The following MCC variants were observed in gnomAD, a reference collection of about 807,000 sequenced individuals.
The protein encoded by MCC is MCC regulator of Wnt signaling pathway.
In MCC, 90 loss-of-function variants were observed where a neutral mutation model predicts 116.2. The observed-to-expected ratio is 0.77, with a 90% confidence interval of 0.65 to 0.92. The LOEUF is 0.92. Among genes scored for constraint, MCC ranks in the 40% least tolerant of loss-of-function variants. The pLI is 0.00. For synonymous variants in MCC, 578 were observed against 510.5 expected (o/e 1.13, Z -1.78); for missense variants, 1,516 against 1,312.2 (o/e 1.16, Z -2.40).
intron 2 of MCC, among the ~76,000 whole-genome samples, chr5:113,348,469 G>A (rs1362577895): frequency 1.3e-5 from 2 of 151,956 alleles, no homozygotes; most frequent in African/African-American, 4.8e-5. Context: ...AATAACCAGT[G>A]GGTCAATGAA....
rs140449060 is a variant in MCC, at chr5:113,223,083, G to A, written c.628-71661C>T. Among the ~76,000 whole-genome samples the A allele has an allele frequency of 2.6e-3, 400 of 152,264 alleles. 2 individuals carry two copies. The highest frequency in any genetic ancestry group is 8.8e-3 in the African/African-American group (365 of 41,546). The stretch of plus-strand genomic sequence containing the variant: ...CAGCCAGGACTTCATTGACAGGGAC[G>A]GTGACACACGTATAAAAATGGGACG... On this transcript the variant is annotated intron_variant, in intron 3 of 18. Coordinates refer to ENST00000408903, the MANE Select transcript of MCC (RefSeq NM_001085377.2).
chr5:113,478,208 C>T (rs1772283834), intron 1 of MCC, among the ~76,000 whole-genome samples: 1 of 152,136 alleles, frequency 6.6e-6, no homozygotes, highest in Non-Finnish European at 1.5e-5. Context: ...CACTATGCTG[C>T]AGAGAAATAA....
At chr5:113,074,380 C>A (rs1226375624) in intron 11 of MCC, among the ~76,000 whole-genome samples, 2 of 152,230 alleles carry the variant, frequency 1.3e-5, no homozygotes, top group Admixed American at 6.5e-5. Context: ...CCCATCTGTA[C>A]ATCACCATCA....
intron 1 of MCC, among the ~76,000 whole-genome samples, chr5:113,423,154 G>C (rs919079955): frequency 6.6e-6 from 1 of 152,134 alleles, no homozygotes; most frequent in African/African-American, 2.4e-5. Flanking sequence ...TCCTTTTCAT[G>C]GTCTATTTAG....
intron 17 of MCC, among the ~76,000 whole-genome samples, chr5:113,041,776 C>G (rs1751720428): frequency 6.6e-6 from 1 of 152,198 alleles, no homozygotes; most frequent in South Asian, 2.1e-4. Context: ...GGTTGGATCA[C>G]ATGAGGTCAG....
chr5:113,063,839 G>A, intron 14 of MCC, 145 bp downstream of exon 14: 1 of 774,402 alleles, frequency 1.3e-6, no homozygotes. Flanking sequence ...ACTCCTTTTT[G>A]GATGGAGCAG....
intron 3 of MCC, among the ~76,000 whole-genome samples, chr5:113,230,913 C>T (rs1212131830): frequency 6.6e-6 from 1 of 152,152 alleles, no homozygotes; most frequent in African/African-American, 2.4e-5. Context: ...TTATCATGCT[C>T]CTACGTGCTC....
intron 16 of MCC, among the ~76,000 whole-genome samples, chr5:113,046,647 C>T (rs980218021): frequency 2.9e-5 from 4 of 135,882 alleles, no homozygotes; most frequent in Admixed American, 7.9e-5. Flanking sequence ...CAAACACTAG[C>T]GCTCTGTCTC....
chr5:113,275,118 T>G (rs887255807), intron 3 of MCC, among the ~76,000 whole-genome samples: 1 of 151,962 alleles, frequency 6.6e-6, no homozygotes, highest in Non-Finnish European at 1.5e-5. Flanking sequence ...AGCCAGTCCA[T>G]CGCGCGGGTG....
At chr5:113,400,769 A>G (rs529736046) in intron 1 of MCC, among the ~76,000 whole-genome samples, 111 of 152,358 alleles carry the variant, frequency 7.3e-4, no homozygotes, top group African/African-American at 2.6e-3. Context: ...CACAGCAGGT[A>G]CTTAAACAGC....
At chr5:113,375,768 G>T (rs1768966033) in intron 2 of MCC, among the ~76,000 whole-genome samples, 1 of 152,204 alleles carries the variant, frequency 6.6e-6, no homozygotes, top group African/African-American at 2.4e-5. Context: ...TGAAGAAGCT[G>T]CAAGGGATTT....
In MCC at chr5:113,332,866, T is replaced by C. The variant is rs1193996324; in HGVS notation, c.627+7653A>G. 3.3e-5 allele frequency among the ~76,000 whole-genome samples: 5 copies of C among 151,696 alleles called. No individual in the cohort carries two copies. The South Asian group carries it at 1.0e-3, about 31-fold the overall frequency. On this transcript the variant is annotated intron_variant, in intron 3 of 18. Transcript: ENST00000408903. Reference sequence around the variant, plus strand: ...CTACACCTCCTGAAATATCAGCTGATTCTTAGAGGATCTAATACGACTTTG... The same window carrying C: ...CTACACCTCCTGAAATATCAGCTGACTCTTAGAGGATCTAATACGACTTTG...
chr5:113,459,756 A>G (rs1412838161), intron 1 of MCC, among the ~76,000 whole-genome samples: 1 of 152,040 alleles, frequency 6.6e-6, no homozygotes, highest in Admixed American at 6.6e-5. Context: ...CAAAGGGCAG[A>G]CAAATGCTTC....
rs373168603 is a variant in MCC, at chr5:113,196,576, C to T, written c.628-45154G>A. 4.6e-4 allele frequency among the ~76,000 whole-genome samples: 70 copies of T among 152,248 alleles called. 2 individuals carry two copies. The highest frequency in any genetic ancestry group is 3.4e-3 in the Middle Eastern group (1 of 294). The stretch of plus-strand genomic sequence containing the variant: ...TTAATTTAAAAAATACTCGGTCGGG[C>T]GCAGTGGCTCACGCCTATAATCCCA... On this transcript the variant is annotated intron_variant, in intron 3 of 18. Transcript: ENST00000408903.
intron 1 of MCC, among the ~76,000 whole-genome samples, chr5:113,484,671 T>C (rs567084759): frequency 6.6e-6 from 1 of 152,358 alleles, no homozygotes; most frequent in Non-Finnish European, 1.5e-5. Flanking sequence ...CTCTAAGGCA[T>C]CAACATTTGA....
chr5:113,389,938 T>C (rs41410646), intron 1 of MCC, among the ~76,000 whole-genome samples: 2,760 of 152,240 alleles, frequency 0.018, 42 homozygotes, highest in Middle Eastern at 0.078. Context: ...AAAACACTAA[T>C]AACCCTGTAG....
intron 2 of MCC, among the ~76,000 whole-genome samples, chr5:113,355,974 G>GT (rs1218601882): frequency 2.6e-5 from 4 of 152,158 alleles, no homozygotes; most frequent in East Asian, 3.9e-4. Context: ...TGTGCCCAGA[G>GT]GTGGTCTCTG....
At chr5:113,262,314 G>T (rs1340843561) in intron 3 of MCC, among the ~76,000 whole-genome samples, 1 of 150,766 alleles carries the variant, frequency 6.6e-6, no homozygotes, top group East Asian at 2.0e-4. Context: ...CTATCAGGTT[G>T]AAAGAAAAAA....
At chr5:113,233,799 C>T (rs1764027001) in intron 3 of MCC, among the ~76,000 whole-genome samples, 1 of 152,178 alleles carries the variant, frequency 6.6e-6, no homozygotes, top group African/African-American at 2.4e-5. Flanking sequence ...TTACAAATAA[C>T]ATTTAATCCT....
Sources: allele counts gnomAD v4.1 joint callset (sites outside exome capture counted in the v4.1 genomes callset), GRCh38; gene constraint gnomAD v4.1.1; transcripts MANE v1.5; gene names NCBI Gene and HGNC (gene_info 2026-07-23, HGNC 2026-07-21).